The following ATF7 variants were observed in gnomAD, a reference collection of about 807,000 sequenced individuals.
ATF7 encodes activating transcription factor 7, also known as cyclic AMP-dependent transcription factor ATF-7.
ATF7 carries 10 observed loss-of-function variants against 50.4 expected under a neutral mutation model. The ratio of observed to expected loss-of-function variants is 0.20; its 90% CI spans 0.12 to 0.34. ATF7 has a LOEUF of 0.34. ATF7 is among the 10% of genes least tolerant of loss of function. The pLI, the probability that ATF7 is intolerant of heterozygous loss-of-function variation, is 1.00. For synonymous variants in ATF7, 201 were observed against 226.4 expected, an observed-to-expected ratio of 0.89 and a Z score of 1.01; for missense variants, 465 against 613.9, an observed-to-expected ratio of 0.76 and a Z score of 2.56.
At chr12:53,552,713 C>A in intron 2 of ATF7, 76 bp from the exon 3 acceptor site, 1 of 1,111,642 alleles carries the variant, frequency 9.0e-7, no homozygotes. Context: ...AAATGTCCTA[C>A]CAAACATCTT....
intron 9 of ATF7, among the ~76,000 whole-genome samples, chr12:53,529,736 T>G (rs10876463): frequency 1.1e-5 from 1 of 94,418 alleles, no homozygotes. Context: ...CACACACACA[T>G]ATATATATGT....
chr12:53,613,008 A>G (rs1045367618), intron 1 of ATF7, among the ~76,000 whole-genome samples: 1 of 151,530 alleles, frequency 6.6e-6, no homozygotes, highest in Non-Finnish European at 1.5e-5. Flanking sequence ...TGTCTCAAGA[A>G]AAAAAAAAGG....
chr12:53,522,986 A>G (rs1010259614), intron 11 of ATF7, among the ~76,000 whole-genome samples: 2 of 152,262 alleles, frequency 1.3e-5, no homozygotes, highest in African/African-American at 4.8e-5. Flanking sequence ...ATAAATGTAG[A>G]TAATATCCAT....
At chr12:53,564,043 G>C (rs572587417) in intron 2 of ATF7, among the ~76,000 whole-genome samples, 1 of 152,186 alleles carries the variant, frequency 6.6e-6, no homozygotes, top group South Asian at 2.1e-4. Flanking sequence ...CACTTTCTTA[G>C]GGTATCTGAT....
In ATF7 at chr12:53,517,143, G is replaced by A. The variant is rs1298081047; in HGVS notation, c.1446C>T (p.Gly482=). The A allele has an allele frequency of 2.5e-6, 4 of 1,610,942 alleles. No homozygotes were observed. The highest frequency in any genetic ancestry group is 3.4e-6 in the Non-Finnish European group (4 of 1,179,864). ...CTCTCCACCAGAGGAGGCATCATCT[G>A]CCCGCAGACTGGGACTGTGGGGTCA... is the stretch of plus-strand genomic sequence containing the variant. The part of the protein sequence containing the change: ...VIMTPQSQSA[G]R Residue 482 remains glycine (G), a synonymous_variant, in exon 12 of 12, where the codon GGC becomes GGT. Transcript: ENST00000420353.
At chr12:53,518,066 C>T (rs1469171356) in intron 11 of ATF7, among the ~76,000 whole-genome samples, 1 of 151,922 alleles carries the variant, frequency 6.6e-6, no homozygotes, top group African/African-American at 2.4e-5. Flanking sequence ...GGTTTTGCCA[C>T]GTTAGCTAGG....
intron 3 of ATF7, among the ~76,000 whole-genome samples, chr12:53,550,400 AAAT>A (rs1484562385): frequency 2.7e-5 from 4 of 150,872 alleles, no homozygotes; most frequent in Non-Finnish European, 5.9e-5. Flanking sequence ...GAAAACAGGA[AAAT>A]AATGATAGAT....
At chr12:53,589,382 G>A (rs2137759926) in intron 2 of ATF7, among the ~76,000 whole-genome samples, 1 of 152,344 alleles carries the variant, frequency 6.6e-6, no homozygotes, top group East Asian at 1.9e-4. Context: ...TGTTGCTGCT[G>A]TGTTATCAAT....
At chr12:53,564,578 C>G (rs1412683614) in intron 2 of ATF7, among the ~76,000 whole-genome samples, 2 of 152,150 alleles carry the variant, frequency 1.3e-5, no homozygotes, top group African/African-American at 4.8e-5. Context: ...AGGTGTCAAA[C>G]AGTGTCAAGA....
At chr12:53,550,324 A>AG (rs1176696654) in intron 3 of ATF7, among the ~76,000 whole-genome samples, 1 of 86,506 alleles carries the variant, frequency 1.2e-5, no homozygotes, top group Non-Finnish European at 2.2e-5. Context: ...ACCCTGTCTC[A>AG]AAAAAAAAAA....
intron 2 of ATF7, among the ~76,000 whole-genome samples, chr12:53,582,434 G>A (rs1942470778): frequency 4.0e-5 from 6 of 151,556 alleles, no homozygotes; most frequent in Admixed American, 3.9e-4. Flanking sequence ...CTAGGAGTTT[G>A]AGACCAGCCT....
chr12:53,620,881 G>T (rs1944353231), intron 1 of ATF7, among the ~76,000 whole-genome samples: 1 of 151,762 alleles, frequency 6.6e-6, no homozygotes, highest in African/African-American at 2.4e-5. Flanking sequence ...AACAGGACTA[G>T]AAGTCTTGGA....
At chr12:53,567,373 C>A (rs1941496606) in intron 2 of ATF7, among the ~76,000 whole-genome samples, 1 of 152,180 alleles carries the variant, frequency 6.6e-6, no homozygotes, top group Non-Finnish European at 1.5e-5. Context: ...TGGCACCTTA[C>A]AATGCTGCTT....
chr12:53,509,909 ATCTGGATGCTCCAGATACCATATT>A (rs1333928971), downstream of ATF7, among the ~76,000 whole-genome samples: 1 of 152,148 alleles, frequency 6.6e-6, no homozygotes, highest in Non-Finnish European at 1.5e-5. Flanking sequence ...GCAGGTTTGG[ATCTGGATGCTCCAGATACCATATT>A]TCTGTTAATG....
intron 11 of ATF7, among the ~76,000 whole-genome samples, chr12:53,520,971 T>C (rs1290447236): frequency 1.3e-5 from 2 of 151,860 alleles, no homozygotes; most frequent in Middle Eastern, 3.2e-3. Context: ...CCTGATGTCC[T>C]GTTCAAATGT....
intron 5 of ATF7, among the ~76,000 whole-genome samples, chr12:53,535,890 C>T (rs756705348): frequency 2.6e-5 from 4 of 152,002 alleles, no homozygotes; most frequent in Non-Finnish European, 4.4e-5. Flanking sequence ...GCGGTGCTCA[C>T]GTCTGTAATC....
intron 5 of ATF7, among the ~76,000 whole-genome samples, chr12:53,536,455 T>C (rs1939226637): frequency 1.3e-5 from 2 of 152,022 alleles, no homozygotes; most frequent in African/African-American, 4.8e-5. Flanking sequence ...TTTTGTATTT[T>C]TGGTAGAGAT....
intron 1 of ATF7, among the ~76,000 whole-genome samples, chr12:53,602,650 A>G (rs957669007): frequency 1.3e-5 from 2 of 152,228 alleles, no homozygotes; most frequent in Non-Finnish European, 2.9e-5. Context: ...ACATGGATTT[A>G]TATCACATTT....
At chr12:53,617,176 C>T (rs1437994846) in intron 1 of ATF7, among the ~76,000 whole-genome samples, 1 of 152,054 alleles carries the variant, frequency 6.6e-6, no homozygotes. Flanking sequence ...ACGCATGTCA[C>T]CACACTCAGC....
Sources: allele counts gnomAD v4.1 joint callset (sites outside exome capture counted in the v4.1 genomes callset), GRCh38; gene constraint gnomAD v4.1.1; transcripts MANE v1.5; gene names NCBI Gene and HGNC (gene_info 2026-07-23, HGNC 2026-07-21).